Variants in PRKD1 observed in about 807,000 individuals in gnomAD.
The protein encoded by PRKD1 is serine/threonine-protein kinase D1.
A neutral mutation model predicts 95.9 loss-of-function variants in PRKD1; 63 were observed. The ratio of observed to expected loss-of-function variants is 0.66; its 90% CI spans 0.54 to 0.81. The LOEUF (loss-of-function observed/expected upper bound fraction) is 0.81, where lower values mean the gene tolerates loss of function less well. Among genes scored for constraint, PRKD1 ranks in the 30% least tolerant of loss-of-function variants. The pLI, the probability that PRKD1 is intolerant of heterozygous loss-of-function variation, is 0.00. For synonymous variants in PRKD1, 425 were observed against 423.1 expected (o/e 1.00, Z -0.05); for missense variants, 1,048 against 1,165.3 (o/e 0.90, Z 1.47).
intron 1 of PRKD1, among the ~76,000 whole-genome samples, chr14:29,891,103 T>C (rs758742662): frequency 4.6e-5 from 7 of 152,162 alleles, no homozygotes; most frequent in Non-Finnish European, 5.9e-5. Context: ...AAGGAAGAAA[T>C]GTACCAATGG....
At chr14:29,724,214 C>T (rs144172307) in intron 2 of PRKD1, among the ~76,000 whole-genome samples, 19 of 152,224 alleles carry the variant, frequency 1.2e-4, no homozygotes, top group African/African-American at 4.3e-4. Context: ...AAGAATAATA[C>T]ATTATATTTA....
rs553585694 is a variant in PRKD1, at chr14:29,807,493, C to T, written c.265-81819G>A. Among the ~76,000 whole-genome samples, 3 of 152,060 alleles carry T rather than the reference C, an allele frequency of 2.0e-5. No homozygotes were observed. In the East Asian group the frequency reaches 5.8e-4, roughly 30 times the overall value. ...CTCACTGCAACCTCTGCCTCCCAGG[C>T]TCAGGTGATCCTCCCACCTCAGCAT... is the stretch of plus-strand genomic sequence containing the variant. On this transcript the variant is annotated intron_variant, in intron 1 of 17. Transcript: ENST00000331968.
chr14:29,644,710 C>G (rs1881015030), intron 4 of PRKD1, among the ~76,000 whole-genome samples: 1 of 151,862 alleles, frequency 6.6e-6, no homozygotes, highest in African/African-American at 2.4e-5. Context: ...AGCCGAAGAC[C>G]TTTATATATG....
chr14:29,695,062 G>A (rs867125064), intron 2 of PRKD1, among the ~76,000 whole-genome samples: 46 of 151,920 alleles, frequency 3.0e-4, no homozygotes, highest in African/African-American at 9.7e-4. Flanking sequence ...GCAAAACCCC[G>A]TCTCTACTAA....
chr14:29,693,745 T>C (rs1157141150), intron 2 of PRKD1, among the ~76,000 whole-genome samples: 3 of 151,504 alleles, frequency 2.0e-5, no homozygotes, highest in African/African-American at 7.3e-5. Context: ...TAAGAAGAAA[T>C]TACTGTCTGA....
At position 29,630,768 on chromosome 14, in the gene PRKD1, G is replaced by A. The variant is rs748528317; in HGVS notation, c.1646C>T (p.Ser549Phe). The change falls in exon 10 of 18, where the codon TCC (serine) becomes TTC (phenylalanine). Residue 549 changes from serine (S) to phenylalanine (F), a missense_variant. Physicochemically the swap from Ser to Phe is radical, Grantham distance 155. Transcript: ENST00000331968. ...GTGCAAGTTGGTTCCTGTACCCACG[G>A]AGGAGCCCTTGGGAATGACGGGCAT... is the stretch of plus-strand genomic sequence containing the variant. ...ALMPVIPKGSSVGTGTNLHRD... is the reference protein window; with the variant it reads ...ALMPVIPKGSFVGTGTNLHRD... 6.2e-6 allele frequency: 10 copies of A among 1,614,080 alleles called. No homozygotes were observed. Among genetic ancestry groups the A allele is most frequent in the Non-Finnish European group, 8.5e-6 (10 of 1,179,982 alleles).
chr14:29,617,490 T>C (rs1191551634), intron 13 of PRKD1, among the ~76,000 whole-genome samples: 2 of 152,238 alleles, frequency 1.3e-5, no homozygotes, highest in Non-Finnish European at 2.9e-5. Context: ...TATTCTGTAT[T>C]CTATATTCAG....
At chr14:29,926,748 T>C (rs1209925737) in intron 1 of PRKD1, among the ~76,000 whole-genome samples, 2 of 152,116 alleles carry the variant, frequency 1.3e-5, no homozygotes, top group Non-Finnish European at 2.9e-5. Flanking sequence ...TCCTGGTCAG[T>C]TGTTTTGACA....
chr14:29,779,796 T>A lies in PRKD1; in HGVS notation c.265-54122A>T, dbSNP rs577085893. Among the ~76,000 whole-genome samples the A allele has an allele frequency of 4.8e-4, 73 of 152,288 alleles. 1 individual carries two copies. In the South Asian group the frequency reaches 0.015, roughly 31 times the overall value. ...GAATTGGAAAAAACTACTTTAAAGT[T>A]CATATGGAACCCAAAAAGAGCCCAC... On this transcript the variant is annotated intron_variant, in intron 1 of 17. Coordinates refer to ENST00000331968, the MANE Select transcript of PRKD1 (RefSeq NM_002742.3).
At chr14:29,760,552 A>G (rs1303322132) in intron 1 of PRKD1, among the ~76,000 whole-genome samples, 2 of 151,718 alleles carry the variant, frequency 1.3e-5, no homozygotes, top group African/African-American at 4.8e-5. Flanking sequence ...ATGAGGTTTC[A>G]CCATGTTGGC....
chr14:29,679,270 A>G (rs1381758049), intron 2 of PRKD1, among the ~76,000 whole-genome samples: 1 of 152,214 alleles, frequency 6.6e-6, no homozygotes, highest in Non-Finnish European at 1.5e-5. Flanking sequence ...AGCATAAACG[A>G]TTCTGAGCAA....
At chr14:29,784,960 T>C (rs1466150132) in intron 1 of PRKD1, among the ~76,000 whole-genome samples, 1 of 152,230 alleles carries the variant, frequency 6.6e-6, no homozygotes, top group Non-Finnish European at 1.5e-5. Flanking sequence ...GCATACAAAC[T>C]GTCTTTGTGT....
chr14:29,746,527 T>TAC (rs1185689162), intron 1 of PRKD1, among the ~76,000 whole-genome samples: 8 of 146,054 alleles, frequency 5.5e-5, no homozygotes, highest in African/African-American at 2.2e-4. Context: ...TGTGTGTACA[T>TAC]ATATACACAC....
chr14:29,653,879 T>C (rs906101931), intron 4 of PRKD1, among the ~76,000 whole-genome samples: 1 of 152,144 alleles, frequency 6.6e-6, no homozygotes, highest in Non-Finnish European at 1.5e-5. Flanking sequence ...CCAATTAATA[T>C]ATGAAAAGCC....
intron 1 of PRKD1, among the ~76,000 whole-genome samples, chr14:29,885,804 TA>T (rs759317394): frequency 0.011 from 568 of 53,450 alleles, 7 homozygotes; most frequent in African/African-American, 0.03. Flanking sequence ...CCATCTTTAC[TA>T]AAAAAAAAAA....
At chr14:29,772,945 T>C (rs781582845) in intron 1 of PRKD1, among the ~76,000 whole-genome samples, 1 of 152,218 alleles carries the variant, frequency 6.6e-6, no homozygotes, top group Admixed American at 6.5e-5. Context: ...CTTCACTTTA[T>C]AGTGTCTAGT....
intron 13 of PRKD1, among the ~76,000 whole-genome samples, chr14:29,614,856 ATTTTTTTTT>A (rs55917722): frequency 4.3e-5 from 5 of 115,644 alleles, no homozygotes; most frequent in African/African-American, 1.8e-4. Context: ...TGCCCAGCTA[ATTTTTTTTT>A]TTTTTTTTTT....
intron 12 of PRKD1, among the ~76,000 whole-genome samples, chr14:29,626,121 C>G (rs1293909379): frequency 6.6e-6 from 1 of 152,118 alleles, no homozygotes; most frequent in African/African-American, 2.4e-5. Flanking sequence ...CATGAATGGA[C>G]TTCTGATCAA....
chr14:29,591,665 C>T (rs1594344163), intron 16 of PRKD1, among the ~76,000 whole-genome samples: 2 of 152,154 alleles, frequency 1.3e-5, no homozygotes, highest in Admixed American at 6.6e-5. Context: ...ATCAAAGAGG[C>T]TCTTTGGCAA....
Sources: gnomAD v4.1 joint callset for allele counts (sites outside exome capture counted in the v4.1 genomes callset) on GRCh38, gnomAD v4.1.1 for gene constraint, MANE v1.5 for transcripts, NCBI Gene and HGNC (gene_info 2026-07-23, HGNC 2026-07-21) for gene names.